ASIC2: variants seen among roughly 807,000 people sequenced by gnomAD.
ASIC2 encodes the protein acid-sensing ion channel 2.
In ASIC2, 25 loss-of-function variants were observed where a neutral mutation model predicts 57.3. That is an observed-to-expected ratio of 0.44 (90% CI 0.32 to 0.61). The LOEUF is 0.61. Among genes scored for constraint, ASIC2 ranks in the 20% least tolerant of loss-of-function variants. ASIC2 has a pLI of 0.06. For missense variants in ASIC2, 641 were observed against 738.1 expected, an observed-to-expected ratio of 0.87 and a Z score of 1.52; for synonymous variants, 319 against 307.5, an observed-to-expected ratio of 1.04 and a Z score of -0.39.
At chr17:33,065,268 C>T (rs1011051339) in intron 3 of ASIC2, among the ~76,000 whole-genome samples, 9 of 152,020 alleles carry the variant, frequency 5.9e-5, no homozygotes, top group Non-Finnish European at 1.3e-4. Flanking sequence ...CCTCGAACTC[C>T]TGGGCACAAG....
intron 1 of ASIC2, among the ~76,000 whole-genome samples, chr17:33,506,321 G>T (rs1180982648): frequency 2.0e-5 from 3 of 151,860 alleles, no homozygotes; most frequent in African/African-American, 4.8e-5. Context: ...GCTGAGGCCG[G>T]CGAATGGTGT....
chr17:33,100,052 G>A (rs1209341033), intron 2 of ASIC2: 3 of 152,194 alleles, frequency 2.0e-5, no homozygotes. Context: ...CTGGATCAGA[G>A]CTTCTTACAG....
At chr17:33,159,531 C>T (rs949648232) in intron 1 of ASIC2, among the ~76,000 whole-genome samples, 12 of 152,166 alleles carry the variant, frequency 7.9e-5, no homozygotes, top group Admixed American at 3.3e-4. Context: ...AGTTCATACA[C>T]GGTCGCTAAA....
At position 34,026,114 on chromosome 17, in the gene ASIC2, T is replaced by C. The variant is rs151075576; in HGVS notation, c.555+129864A>G. Among the ~76,000 whole-genome samples, 9 of 152,350 alleles carry C rather than the reference T, an allele frequency of 5.9e-5. No homozygotes were observed. The East Asian group carries it at 1.7e-3, about 29-fold the overall frequency. On this transcript the variant is annotated intron_variant, in intron 1 of 9. Transcript: ENST00000359872. Reference sequence around the variant, plus strand: ...TACAGAACCTGCAACTGCTTGATGCTACGGTTGTGCAATTATTGGATTTGG... The same window carrying C: ...TACAGAACCTGCAACTGCTTGATGCCACGGTTGTGCAATTATTGGATTTGG...
At chr17:33,019,061 C>T (rs996032098) in intron 7 of ASIC2, among the ~76,000 whole-genome samples, 13 of 152,144 alleles carry the variant, frequency 8.5e-5, no homozygotes, top group African/African-American at 2.2e-4. Flanking sequence ...TTCCCATCAC[C>T]GCTCCCTCTC....
chr17:34,001,587 T>G (rs1269565111), intron 1 of ASIC2: 2 of 152,528 alleles, frequency 1.3e-5, no homozygotes, highest in African/African-American at 4.8e-5. Flanking sequence ...AGTCGGCTTG[T>G]AGCCGGGCTG....
intron 1 of ASIC2, among the ~76,000 whole-genome samples, chr17:33,588,624 A>G (rs1412300501): frequency 2.0e-5 from 3 of 152,240 alleles, no homozygotes; most frequent in Non-Finnish European, 4.4e-5. Context: ...CAGAAAGAGT[A>G]AACAAGTAAT....
intron 1 of ASIC2, among the ~76,000 whole-genome samples, chr17:33,578,476 G>A (rs1311971679): frequency 6.6e-6 from 1 of 152,150 alleles, no homozygotes; most frequent in Non-Finnish European, 1.5e-5. Context: ...ACTGAACAAA[G>A]TAAAATGGGT....
intron 1 of ASIC2, among the ~76,000 whole-genome samples, chr17:33,549,907 C>G (rs1305667127): frequency 6.6e-6 from 1 of 152,178 alleles, no homozygotes; most frequent in African/African-American, 2.4e-5. Context: ...TGAACTATTG[C>G]CTTCTCATGG....
intron 3 of ASIC2, among the ~76,000 whole-genome samples, chr17:33,085,581 G>A (rs181337332): frequency 2.6e-5 from 4 of 152,324 alleles, no homozygotes; most frequent in Non-Finnish European, 5.9e-5. Context: ...TGAGGGCAGA[G>A]ACTGCGTCTC....
At chr17:33,225,446 C>T (rs1347488096) in intron 1 of ASIC2, among the ~76,000 whole-genome samples, 1 of 152,360 alleles carries the variant, frequency 6.6e-6, no homozygotes, top group African/African-American at 2.4e-5. Flanking sequence ...GTGCTTAGAA[C>T]AGTACCTGGC....
chr17:33,725,824 C>G (rs1186062602), intron 1 of ASIC2, among the ~76,000 whole-genome samples: 2 of 150,756 alleles, frequency 1.3e-5, no homozygotes, highest in Non-Finnish European at 3.0e-5. Context: ...AAGTGGGTCT[C>G]TTGTGGCTCA....
chr17:33,795,839 A>G (rs73986714), intron 1 of ASIC2, among the ~76,000 whole-genome samples: 72 of 152,222 alleles, frequency 4.7e-4, no homozygotes, highest in African/African-American at 1.7e-3. Context: ...ATGGGAGCAA[A>G]CTCCCTGGGG....
intron 1 of ASIC2, among the ~76,000 whole-genome samples, chr17:33,281,843 C>T (rs1007276412): frequency 1.3e-5 from 2 of 152,154 alleles, no homozygotes; most frequent in African/African-American, 2.4e-5. Flanking sequence ...AGCTCTCTAA[C>T]GGCCACCCAG....
At chr17:33,478,959 A>G (rs940287222) in intron 1 of ASIC2, among the ~76,000 whole-genome samples, 1 of 152,210 alleles carries the variant, frequency 6.6e-6, no homozygotes, top group Non-Finnish European at 1.5e-5. Context: ...TAGGAAGTAC[A>G]TGGATGGGTT....
intron 1 of ASIC2, among the ~76,000 whole-genome samples, chr17:33,231,877 G>A (rs536732217): frequency 2.6e-5 from 4 of 152,290 alleles, no homozygotes; most frequent in South Asian, 4.2e-4. Context: ...TGGGGAGGGG[G>A]TGAGCAGGGA....
In ASIC2 at chr17:33,395,213, C is replaced by T. The variant is rs559964643; in HGVS notation, c.556-283146G>A. Among the ~76,000 whole-genome samples the T allele has an allele frequency of 1.1e-4, 17 of 151,882 alleles. No individual in the cohort carries two copies. The East Asian group carries it at 2.1e-3, about 19-fold the overall frequency. On this transcript the variant is annotated intron_variant, in intron 1 of 9. Coordinates refer to the ASIC2 transcript ENST00000359872. The stretch of plus-strand genomic sequence containing the variant: ...CAACCTATCCATTCATCCATCCATC[C>T]GTCCATCCATCCATCCATCTTTCCA...
chr17:33,344,936 T>A (rs1234908075), intron 1 of ASIC2, among the ~76,000 whole-genome samples: 1 of 151,964 alleles, frequency 6.6e-6, no homozygotes, highest in Admixed American at 6.6e-5. Context: ...ACCTTGGTTT[T>A]TTTTTTTTTA....
At chr17:33,771,139 G>C (rs1911092683) in intron 1 of ASIC2, among the ~76,000 whole-genome samples, 1 of 152,094 alleles carries the variant, frequency 6.6e-6, no homozygotes, top group South Asian at 2.1e-4. Context: ...GGCAATTGTG[G>C]GGTACAAGTA....
Sources: allele counts gnomAD v4.1 joint callset (sites outside exome capture counted in the v4.1 genomes callset), GRCh38; gene constraint gnomAD v4.1.1; transcripts MANE v1.5; gene names NCBI Gene and HGNC (gene_info 2026-07-23, HGNC 2026-07-21).